MMADHC: variants seen among roughly 807,000 people sequenced by gnomAD.
MMADHC encodes metabolism of cobalamin associated D.
A neutral mutation model predicts 36.3 loss-of-function variants in MMADHC; 23 were observed. That is an observed-to-expected ratio of 0.63 (90% CI 0.46 to 0.90). MMADHC has a LOEUF of 0.90. Among genes scored for constraint, MMADHC ranks in the 40% least tolerant of loss-of-function variants. MMADHC has a pLI of 0.00. For synonymous variants in MMADHC, 97 were observed against 116.1 expected (o/e 0.84, Z 1.06); for missense variants, 330 against 348.0 (o/e 0.95, Z 0.41).
At chr2:149,581,582 C>G (rs945356046) in intron 3 of MMADHC, among the ~76,000 whole-genome samples, 1 of 152,138 alleles carries the variant, frequency 6.6e-6, no homozygotes, top group Non-Finnish European at 1.5e-5. Context: ...CCCCTACCCC[C>G]ACTTTTTCTT....
chr2:149,582,066 A>G, intron 3 of MMADHC, 61 bp downstream of exon 3: 1 of 1,584,640 alleles, frequency 6.3e-7, no homozygotes, highest in South Asian at 1.1e-5. Context: ...ATATTAGAGG[A>G]AAATACAACT....
intron 3 of MMADHC, among the ~76,000 whole-genome samples, chr2:149,580,604 A>T (rs1294801424): frequency 2.6e-5 from 4 of 152,216 alleles, no homozygotes; most frequent in African/African-American, 9.6e-5. Context: ...CATATTACTT[A>T]GCAATAAAAA....
rs148815922 is a variant in MMADHC at position 149,582,885 on chromosome 2, T to C, written c.10-614A>G. 1.7e-3 allele frequency among the ~76,000 whole-genome samples: 259 copies of C among 152,336 alleles called. 1 individual carries two copies. The highest frequency in any genetic ancestry group is 6.0e-3 in the African/African-American group (249 of 41,576). ...TTCATTCATAAATTTTTTAACAATC[T>C]TTCATTCATAAATTTTTTAACAAAG... is the stretch of plus-strand genomic sequence containing the variant. On this transcript the variant is annotated intron_variant, in intron 2 of 7. Transcript: ENST00000303319.
At chr2:149,573,749 A>G (rs915726559) in intron 6 of MMADHC, among the ~76,000 whole-genome samples, 24 of 152,302 alleles carry the variant, frequency 1.6e-4, no homozygotes, top group African/African-American at 4.8e-4. Flanking sequence ...GGCTTAGAAA[A>G]TAGTCATTAG....
intron 7 of MMADHC, 129 bp downstream of exon 7, chr2:149,570,956 T>C: frequency 1.4e-6 from 1 of 721,838 alleles, no homozygotes; most frequent in Non-Finnish European, 2.4e-6. Flanking sequence ...TGACTCACAG[T>C]AGTATTTCTT....
intron 2 of MMADHC, among the ~76,000 whole-genome samples, chr2:149,586,205 A>G (rs891962819): frequency 6.6e-6 from 1 of 152,216 alleles, no homozygotes; most frequent in Non-Finnish European, 1.5e-5. Flanking sequence ...AATAATCACA[A>G]TTTAAAGAAT....
chr2:149,579,335 T>G (rs2105048007), intron 4 of MMADHC, 96 bp downstream of exon 4: 1 of 1,198,488 alleles, frequency 8.3e-7, no homozygotes, highest in Non-Finnish European at 1.2e-6. Context: ...ATTAAATTGA[T>G]TTTTTACTTT....
intron 3 of MMADHC, among the ~76,000 whole-genome samples, chr2:149,580,502 A>G (rs1468996838): frequency 6.6e-6 from 1 of 152,220 alleles, no homozygotes; most frequent in Non-Finnish European, 1.5e-5. Context: ...AAAAATTCAG[A>G]AAGATTCAGA....
chr2:149,573,853 C>A (rs72997099), intron 6 of MMADHC, among the ~76,000 whole-genome samples: 1,559 of 132,540 alleles, frequency 0.012, 29 homozygotes, highest in African/African-American at 0.037. Context: ...CAAAGGTTAA[C>A]TGAAAGAATC....
At chr2:149,584,056 C>T (rs1311185628) in intron 2 of MMADHC, among the ~76,000 whole-genome samples, 2 of 152,120 alleles carry the variant, frequency 1.3e-5, no homozygotes, top group African/African-American at 4.8e-5. Context: ...GGGGTCTGTA[C>T]CCAACTTGCC....
chr2:149,587,292 G>A (rs1682886891), intron 1 of MMADHC, 143 bp from the exon 2 acceptor site: 5 of 636,628 alleles, frequency 7.9e-6, no homozygotes, highest in South Asian at 3.6e-5. Context: ...AAGGAGGCCA[G>A]AACTCGCCCC....
In MMADHC at chr2:149,579,628, C is replaced by T; in HGVS notation, c.175G>A (p.Asp59Asn). Residue 59 changes from aspartate (D) to asparagine (N), a missense_variant, in exon 4 of 8, where the codon GAT becomes AAT. Physicochemically the swap from Asp to Asn is conservative, Grantham distance 23 (BLOSUM62 1). Transcript: ENST00000303319. ...GGTCCAAAGGGTCCCATAGTTTCATCAGGCCACACTGTTCGAGAGCCTGAA... is the reference window on the plus strand; with the variant it reads ...GGTCCAAAGGGTCCCATAGTTTCATTAGGCCACACTGTTCGAGAGCCTGAA... ...PDICSRTVWP[D>N]ETMGPFGPQD... 1 of 1,613,950 alleles carries T rather than the reference C, an allele frequency of 6.2e-7. No individual in the cohort carries two copies. Among genetic ancestry groups the T allele is most frequent in the East Asian group, 2.2e-5 (1 of 44,866 alleles).
chr2:149,582,566 T>C (rs942620351), intron 2 of MMADHC, among the ~76,000 whole-genome samples: 25 of 152,344 alleles, frequency 1.6e-4, no homozygotes, highest in Admixed American at 1.1e-3. Context: ...AGTTGTCTTA[T>C]TTAGACACAA....
intron 2 of MMADHC, among the ~76,000 whole-genome samples, chr2:149,585,522 C>A (rs1284972715): frequency 6.6e-6 from 1 of 152,178 alleles, no homozygotes; most frequent in African/African-American, 2.4e-5. Context: ...AATATTTACA[C>A]AAAAGGTCCA....
intron 1 of MMADHC, 21 bp from the exon 2 acceptor site, chr2:149,587,170 A>T: frequency 7.0e-7 from 1 of 1,436,320 alleles, no homozygotes; most frequent in Non-Finnish European, 9.8e-7. Context: ...ACACAACAAA[A>T]CAGACGAGTG....
Position 149,579,622 on chromosome 2 carries a change from T to C in MMADHC, c.181A>G (p.Thr61Ala), listed in dbSNP as rs1036471862. The C allele has an allele frequency of 3.1e-6, 5 of 1,613,974 alleles. No individual in the cohort carries two copies. The Admixed American group carries it at 8.3e-5, about 27-fold the overall frequency. Residue 61 changes from threonine (T) to alanine (A), a missense_variant, in exon 4 of 8, where the codon ACT becomes GCT. Transcript: ENST00000303319. ...TCTTGAGGTCCAAAGGGTCCCATAG[T>C]TTCATCAGGCCACACTGTTCGAGAG... ...ICSRTVWPDE[T>A]MGPFGPQDQR...
intron 5 of MMADHC, 112 bp from the exon 6 acceptor site, chr2:149,575,953 C>G (rs1418635630): frequency 1.2e-6 from 1 of 847,098 alleles, no homozygotes; most frequent in Non-Finnish European, 1.8e-6. Flanking sequence ...AGTAAAATTA[C>G]TGTGGTATTA....
At chr2:149,582,534 CATG>C (rs1373162762) in intron 2 of MMADHC, among the ~76,000 whole-genome samples, 1 of 152,164 alleles carries the variant, frequency 6.6e-6, no homozygotes, top group Non-Finnish European at 1.5e-5. Flanking sequence ...GAGTGCCACA[CATG>C]AGAGAATAGA....
At position 149,575,810 on chromosome 2, in the gene MMADHC, A is replaced by G. The variant is rs745423033; in HGVS notation, c.510T>C (p.Asn170=). The change falls in exon 6 of 8, where the codon AAT becomes AAC. Residue 170 remains asparagine (N), a synonymous_variant. Transcript: ENST00000303319. ...TTACAGTCAGAATCATTAGTTTGCCATTAGCTACTTCTGGAAACAGTGATT... is the reference window on the plus strand; with the variant it reads ...TTACAGTCAGAATCATTAGTTTGCCGTTAGCTACTTCTGGAAACAGTGATT... ...DFESLFPEVA[N]GKLMILTVTQ... 5.7e-5 allele frequency: 92 copies of G among 1,604,198 alleles called. No homozygotes were observed. Among genetic ancestry groups the G allele is most frequent in the Non-Finnish European group, 7.0e-5 (82 of 1,172,236 alleles).
Sources: gnomAD v4.1 joint callset for allele counts (sites outside exome capture counted in the v4.1 genomes callset) on GRCh38, gnomAD v4.1.1 for gene constraint, MANE v1.5 for transcripts, NCBI Gene and HGNC (gene_info 2026-07-23, HGNC 2026-07-21) for gene names.